Variants in STX12 observed in about 807,000 individuals in gnomAD.
The protein encoded by STX12 is syntaxin-12.
STX12 carries 17 observed loss-of-function variants against 42.2 expected under a neutral mutation model. The observed-to-expected ratio is 0.40, with a 90% CI of 0.28 to 0.60. The LOEUF (loss-of-function observed/expected upper bound fraction) is 0.60. Ranked by LOEUF, STX12 falls within the 20% of genes least tolerant of loss-of-function variation. The probability of loss-of-function intolerance (pLI) is 0.39; values close to 1 mark genes in which losing one functional copy is unlikely to be tolerated. For missense variants in STX12, 297 were observed against 330.9 expected (o/e 0.90, Z 0.79); for synonymous variants, 108 against 116.7 (o/e 0.93, Z 0.48).
chr1:27,777,899 AAAAAG>A (rs368380355), intron 1 of STX12, among the ~76,000 whole-genome samples: 21 of 152,278 alleles, frequency 1.4e-4, no homozygotes, highest in African/African-American at 4.8e-4. Flanking sequence ...AAAAAAAAGA[AAAAAG>A]AAAGAAATTC....
At chr1:27,775,391 C>T (rs768961615) in intron 1 of STX12, among the ~76,000 whole-genome samples, 2 of 152,194 alleles carry the variant, frequency 1.3e-5, no homozygotes, top group Non-Finnish European at 2.9e-5. Context: ...CCTGCCTCAG[C>T]CCTACAAGTA....
At chr1:27,792,557 G>A (rs2148600576) in intron 2 of STX12, among the ~76,000 whole-genome samples, 1 of 151,694 alleles carries the variant, frequency 6.6e-6, no homozygotes, top group Non-Finnish European at 1.5e-5. Flanking sequence ...CCCATTTGCA[G>A]TACAGAAAAA....
At chr1:27,798,776 G>C (rs1225102185) in intron 3 of STX12, among the ~76,000 whole-genome samples, 1 of 117,442 alleles carries the variant, frequency 8.5e-6, no homozygotes, top group Non-Finnish European at 1.7e-5. Context: ...GCGAGACTCC[G>C]TCTCAAAAAA....
intron 1 of STX12, chr1:27,774,084 G>A (rs1192440285): frequency 6.6e-6 from 1 of 152,162 alleles, no homozygotes; most frequent in African/African-American, 2.4e-5. Flanking sequence ...AATAATTGGG[G>A]TGTATTTTTG....
chr1:27,822,141 G>C, intron 8 of STX12, 90 bp from the exon 9 acceptor site: 1 of 804,068 alleles, frequency 1.2e-6, no homozygotes, highest in Middle Eastern at 2.4e-4. Context: ...TTAATTACAA[G>C]GAGGCAGATT....
chr1:27,800,761 C>T (rs941328713), intron 3 of STX12, among the ~76,000 whole-genome samples: 1 of 152,054 alleles, frequency 6.6e-6, no homozygotes, highest in Non-Finnish European at 1.5e-5. Flanking sequence ...TCAAGTGATC[C>T]TCCTGCCTCA....
intron 4 of STX12, among the ~76,000 whole-genome samples, chr1:27,804,476 A>G (rs185162035): frequency 6.6e-5 from 10 of 151,138 alleles, no homozygotes; most frequent in Non-Finnish European, 1.2e-4. Context: ...AAAAAAAAAA[A>G]TTACTAAGGA....
chr1:27,774,664 T>A (rs542093483), intron 1 of STX12, among the ~76,000 whole-genome samples: 1 of 146,818 alleles, frequency 6.8e-6, no homozygotes, highest in Non-Finnish European at 1.5e-5. Flanking sequence ...TAGCCTAATT[T>A]TTTTGATTTA....
At chr1:27,781,275 G>A (rs1055845654) in intron 1 of STX12, among the ~76,000 whole-genome samples, 10 of 151,974 alleles carry the variant, frequency 6.6e-5, no homozygotes, top group African/African-American at 9.7e-5. Flanking sequence ...AACTCCTGAC[G>A]TCAGGCGATT....
At chr1:27,810,165 AC>A in intron 4 of STX12, 80 bp from the exon 5 acceptor site, 1 of 1,293,250 alleles carries the variant, frequency 7.7e-7, no homozygotes, top group East Asian at 2.4e-5. Context: ...GCTTCTTTAT[AC>A]TGTGCTAAGG....
chr1:27,795,297 T>C (rs899440531), intron 3 of STX12, among the ~76,000 whole-genome samples: 63 of 152,066 alleles, frequency 4.1e-4, no homozygotes, highest in African/African-American at 1.4e-3. Flanking sequence ...TGGATCATGA[T>C]GTCAAATTCT....
chr1:27,792,314 G>A (rs1259131249), intron 2 of STX12, among the ~76,000 whole-genome samples: 11 of 97,010 alleles, frequency 1.1e-4, no homozygotes, highest in Non-Finnish European at 2.2e-4. Context: ...CTATATATAT[G>A]TAGATACATA....
intron 3 of STX12, among the ~76,000 whole-genome samples, chr1:27,794,217 T>C (rs890987317): frequency 9.2e-5 from 14 of 152,078 alleles, no homozygotes; most frequent in Non-Finnish European, 1.3e-4. Flanking sequence ...TGTACAGACA[T>C]GGTCTTGCTT....
At chr1:27,816,256 G>A (rs1049460389) in intron 6 of STX12, among the ~76,000 whole-genome samples, 18 of 152,044 alleles carry the variant, frequency 1.2e-4, no homozygotes, top group African/African-American at 4.1e-4. Context: ...GGAAGTTGCA[G>A]TGAGCCGAGA....
intron 4 of STX12, among the ~76,000 whole-genome samples, chr1:27,807,296 CTA>C (rs2088868558): frequency 6.6e-6 from 1 of 151,988 alleles, no homozygotes; most frequent in African/African-American, 2.4e-5. Context: ...ATACTAGGTC[CTA>C]TTCATTCTTC....
At position 27,798,437 on chromosome 1, in the gene STX12, G is replaced by A. The variant is rs577858571; in HGVS notation, c.289-3241G>A. Reference sequence around the variant, plus strand: ...AGGTGGGCGGATCACCTGAGGTCAGGAGTTTGAGACCAGCCTGACCAACAT... The same window carrying A: ...AGGTGGGCGGATCACCTGAGGTCAGAAGTTTGAGACCAGCCTGACCAACAT... On this transcript the variant is annotated intron_variant, in intron 3 of 8. Transcript: ENST00000373943. Among the ~76,000 whole-genome samples, 14 of 151,996 alleles carry A rather than the reference G, an allele frequency of 9.2e-5. No individual in the cohort carries two copies. The South Asian group carries it at 2.9e-3, about 32-fold the overall frequency.
intron 2 of STX12, 127 bp from the exon 3 acceptor site, chr1:27,793,406 C>T (rs1237729641): frequency 1.4e-6 from 1 of 710,240 alleles, no homozygotes; most frequent in Non-Finnish European, 2.4e-6. Flanking sequence ...ACCTGGGCAT[C>T]TAGGGACTCA....
chr1:27,799,545 C>T (rs1179442929), intron 3 of STX12, among the ~76,000 whole-genome samples: 6 of 147,092 alleles, frequency 4.1e-5, no homozygotes, highest in Non-Finnish European at 7.4e-5. Flanking sequence ...TGCAGTGGCG[C>T]GATCTCAGCT....
intron 1 of STX12, among the ~76,000 whole-genome samples, chr1:27,776,928 C>CATCTTTAT (rs1187625940): frequency 6.6e-5 from 10 of 152,214 alleles, no homozygotes; most frequent in African/African-American, 2.4e-4. Context: ...ATGACTTATT[C>CATCTTTAT]ATCTTTATAT....
Sources: allele counts gnomAD v4.1 joint callset (sites outside exome capture counted in the v4.1 genomes callset), GRCh38; gene constraint gnomAD v4.1.1; transcripts MANE v1.5; gene names NCBI Gene and HGNC (gene_info 2026-07-23, HGNC 2026-07-21).